INPP4B: variants seen among roughly 807,000 people sequenced by gnomAD.
INPP4B encodes the protein inositol polyphosphate-4-phosphatase type II B, also known as inositol polyphosphate 4-phosphatase type II.
In INPP4B, 55 loss-of-function variants were observed where a neutral mutation model predicts 122.5. The observed-to-expected ratio is 0.45, with a 90% CI of 0.36 to 0.56. The LOEUF is 0.56. Among genes scored for constraint, INPP4B ranks in the 20% least tolerant of loss-of-function variants. The probability of loss-of-function intolerance (pLI) is 0.00; values close to 1 mark genes in which losing one functional copy is unlikely to be tolerated. For synonymous variants in INPP4B, 403 were observed against 388.7 expected (o/e 1.04, Z -0.43); for missense variants, 1,000 against 1,097.7 (o/e 0.91, Z 1.26).
At chr4:142,485,319 T>G (rs1156778130) in intron 2 of INPP4B, among the ~76,000 whole-genome samples, 1 of 152,078 alleles carries the variant, frequency 6.6e-6, no homozygotes, top group Non-Finnish European at 1.5e-5. Context: ...CCTTAAGTAT[T>G]TAGCTTTTAG....
intron 18 of INPP4B, among the ~76,000 whole-genome samples, chr4:142,141,019 C>A (rs952276326): frequency 6.6e-6 from 1 of 152,148 alleles, no homozygotes. Flanking sequence ...AATGCAAACT[C>A]TTGGATATGC....
chr4:142,380,498 T>C (rs1293738217), intron 7 of INPP4B, among the ~76,000 whole-genome samples: 1 of 152,148 alleles, frequency 6.6e-6, no homozygotes, highest in East Asian at 1.9e-4. Context: ...TCCTGATGTA[T>C]TGAATCTTCA....
At chr4:142,683,111 T>C (rs1758866642) in intron 2 of INPP4B, among the ~76,000 whole-genome samples, 1 of 151,892 alleles carries the variant, frequency 6.6e-6, no homozygotes, top group African/African-American at 2.4e-5. Context: ...CTCCTAAGTC[T>C]CCTTTAAAAC....
intron 1 of INPP4B, among the ~76,000 whole-genome samples, chr4:142,829,970 A>G (rs1037203678): frequency 1.3e-5 from 2 of 152,164 alleles, no homozygotes; most frequent in Admixed American, 6.5e-5. Context: ...AATAACTACA[A>G]TAAAAATGAG....
intron 3 of INPP4B, among the ~76,000 whole-genome samples, chr4:142,431,908 T>C (rs1809409949): frequency 6.6e-6 from 1 of 152,126 alleles, no homozygotes; most frequent in Non-Finnish European, 1.5e-5. Flanking sequence ...TCCAACCTCA[T>C]TATTATCCAT....
At chr4:142,120,073 T>G (rs10006284) in intron 21 of INPP4B, among the ~76,000 whole-genome samples, 18,948 of 151,792 alleles carry the variant, frequency 0.12, 1,327 homozygotes, top group East Asian at 0.23. Context: ...ATAAACCAAT[T>G]GTCCCAGCAT....
intron 2 of INPP4B, among the ~76,000 whole-genome samples, chr4:142,680,751 G>A (rs1758502386): frequency 6.6e-6 from 1 of 151,836 alleles, no homozygotes; most frequent in Non-Finnish European, 1.5e-5. Context: ...TCCACCAACT[G>A]TCTCCCTATT....
chr4:142,315,704 T>C (rs1224280296), intron 7 of INPP4B, among the ~76,000 whole-genome samples: 1 of 150,410 alleles, frequency 6.6e-6, no homozygotes, highest in Non-Finnish European at 1.5e-5. Flanking sequence ...AAGAAACATA[T>C]CTAGTATGTC....
chr4:142,605,444 A>G (rs535914867), intron 2 of INPP4B, among the ~76,000 whole-genome samples: 1 of 152,194 alleles, frequency 6.6e-6, no homozygotes, highest in South Asian at 2.1e-4. Context: ...ATTAAACTAA[A>G]AAGCTTCTAC....
At chr4:142,632,176 C>T (rs1239613017) in intron 2 of INPP4B, among the ~76,000 whole-genome samples, 1 of 152,082 alleles carries the variant, frequency 6.6e-6, no homozygotes. Context: ...CTGAGGCTAA[C>T]AGAAGTCAGC....
At chr4:142,723,149 C>T (rs1177744788) in intron 2 of INPP4B, among the ~76,000 whole-genome samples, 1 of 151,986 alleles carries the variant, frequency 6.6e-6, no homozygotes, top group African/African-American at 2.4e-5. Context: ...TTTCAATTTA[C>T]AAAATTGTGT....
intron 18 of INPP4B, among the ~76,000 whole-genome samples, chr4:142,127,569 G>T (rs1156351131): frequency 6.6e-6 from 1 of 151,974 alleles, no homozygotes; most frequent in Non-Finnish European, 1.5e-5. Flanking sequence ...TAGGAACAGT[G>T]TTACATACTT....
At chr4:142,759,460 C>A (rs1770976374) in intron 1 of INPP4B, among the ~76,000 whole-genome samples, 1 of 152,150 alleles carries the variant, frequency 6.6e-6, no homozygotes, top group Non-Finnish European at 1.5e-5. Context: ...CTCTTCAAAT[C>A]TTTGATGATA....
intron 11 of INPP4B, among the ~76,000 whole-genome samples, chr4:142,258,932 T>G (rs1266205015): frequency 6.6e-6 from 1 of 151,924 alleles, no homozygotes; most frequent in Non-Finnish European, 1.5e-5. Flanking sequence ...TTATTCACAA[T>G]AGCAAAGACT....
chr4:142,828,428 G>GA (rs1160705691), intron 1 of INPP4B, among the ~76,000 whole-genome samples: 2 of 151,956 alleles, frequency 1.3e-5, no homozygotes, highest in African/African-American at 2.4e-5. Flanking sequence ...TTCTGAGAAT[G>GA]AAAAAAATTG....
At chr4:142,559,912 T>A (rs536352044) in intron 2 of INPP4B, among the ~76,000 whole-genome samples, 107 of 152,218 alleles carry the variant, frequency 7.0e-4, no homozygotes, top group African/African-American at 2.5e-3. Context: ...CATGAAATAG[T>A]TTTTATACAC....
intron 1 of INPP4B, among the ~76,000 whole-genome samples, chr4:142,812,182 A>C (rs1010669367): frequency 6.6e-6 from 1 of 152,168 alleles, no homozygotes; most frequent in Non-Finnish European, 1.5e-5. Flanking sequence ...TTCCAGTGAT[A>C]GCAGGCCCTC....
chr4:142,412,436 A>C (rs943789447), intron 5 of INPP4B, among the ~76,000 whole-genome samples: 2 of 152,116 alleles, frequency 1.3e-5, no homozygotes, highest in Admixed American at 6.6e-5. Flanking sequence ...TCCTGAGTAC[A>C]TTCAGAAGAG....
intron 2 of INPP4B, among the ~76,000 whole-genome samples, chr4:142,691,536 G>A (rs1330315457): frequency 2.0e-5 from 3 of 152,086 alleles, no homozygotes; most frequent in South Asian, 4.1e-4. Context: ...TGTCTTGCAA[G>A]TATTAATAAA....
Sources: allele counts gnomAD v4.1 joint callset (sites outside exome capture counted in the v4.1 genomes callset), GRCh38; gene constraint gnomAD v4.1.1; transcripts MANE v1.5; gene names NCBI Gene and HGNC (gene_info 2026-07-23, HGNC 2026-07-21).